GJA5: variants seen among roughly 807,000 people sequenced by gnomAD.
The protein encoded by GJA5 is gap junction protein alpha 5.
In GJA5, 3 loss-of-function variants were observed where a neutral mutation model predicts 7.9. The ratio of observed to expected loss-of-function variants is 0.38; its 90% CI spans 0.17 to 0.99. GJA5 has a LOEUF of 0.99. GJA5 is among the 50% of genes least tolerant of loss of function. GJA5 has a pLI of 0.38. For synonymous variants in GJA5, 193 were observed against 181.0 expected, an observed-to-expected ratio of 1.07 and a Z score of -0.53; for missense variants, 390 against 457.9, an observed-to-expected ratio of 0.85 and a Z score of 1.35.
intron 1 of GJA5, among the ~76,000 whole-genome samples, chr1:147,771,925 T>G (rs1664419235): frequency 1.3e-5 from 2 of 152,192 alleles, no homozygotes; most frequent in South Asian, 4.1e-4. Flanking sequence ...AGGACTGGGC[T>G]GGGCTTGGCT....
At chr1:147,766,758 C>A (rs1271787057) in intron 1 of GJA5, among the ~76,000 whole-genome samples, 5 of 152,104 alleles carry the variant, frequency 3.3e-5, no homozygotes, top group Admixed American at 3.3e-4. Context: ...TCTAACAGAT[C>A]TCTGGTTCTC....
In GJA5 at chr1:147,758,579, G is replaced by A. The variant is rs1223418676; in HGVS notation, c.660C>T (p.Leu220=). The A allele has an allele frequency of 1.2e-6, 2 of 1,613,954 alleles. No homozygotes were observed. The highest frequency in any genetic ancestry group is 1.7e-6 in the Non-Finnish European group (2 of 1,179,856). The change falls in exon 2 of 2, where the codon CTC becomes CTT. Residue 220 remains leucine, a synonymous_variant. Transcript: ENST00000579774. ...FMLAVAALSL[L]LSLAELYHLG... ...GGTGGTAGAGTTCAGCCAGGCTAAGGAGGAGGGACAGTGCAGCCACAGCCA... is the reference window on the plus strand; with the variant it reads ...GGTGGTAGAGTTCAGCCAGGCTAAGAAGGAGGGACAGTGCAGCCACAGCCA...
intron 1 of GJA5, among the ~76,000 whole-genome samples, chr1:147,759,970 A>T (rs1329135366): frequency 1.3e-4 from 20 of 152,202 alleles, no homozygotes; most frequent in Non-Finnish European, 1.0e-4. Flanking sequence ...GCACTCTGCA[A>T]AAATCAGAAC....
intron 1 of GJA5, among the ~76,000 whole-genome samples, chr1:147,772,685 G>A (rs1344125268): frequency 6.6e-6 from 1 of 151,552 alleles, no homozygotes; most frequent in Non-Finnish European, 1.5e-5. Context: ...GGCTGCAAGT[G>A]GCAGCCTGGA....
At chr1:147,772,334 T>C (rs1171865043) in intron 1 of GJA5, among the ~76,000 whole-genome samples, 1 of 152,200 alleles carries the variant, frequency 6.6e-6, no homozygotes, top group Non-Finnish European at 1.5e-5. Context: ...AATTCTTGTG[T>C]TGCGCCTCCC....
Position 147,757,927 on chromosome 1 carries a change from G to C in GJA5, c.*235C>G. 1 of 565,248 alleles carries C rather than the reference G, an allele frequency of 1.8e-6. No homozygotes were observed. Among genetic ancestry groups the C allele is most frequent in the Non-Finnish European group, 3.2e-6 (1 of 316,290 alleles). 35.0% of individuals were successfully genotyped at this position (565,248 alleles called of 1,614,324 possible). On this transcript the variant is annotated 3_prime_UTR_variant, in exon 2 of 2. Transcript: ENST00000579774. ...TTTCATGAGTAATCTGAAAGGCTTC[G>C]TATACTGGGTAGAGGGTGGGGAGGG...
At position 147,759,181 on chromosome 1, in the gene GJA5, CGGTCGAGTGCTTGT is replaced by C; in HGVS notation, c.44_57del (p.His15ArgfsTer23). On this transcript the variant is annotated frameshift_variant, in exon 2 of 2. Transcript: ENST00000579774. LOFTEE classifies it high-confidence loss of function. ...ACAGTGAGCCAGACCTTGCCTACCA[CGGTCGAGTGCTTGT>C]GTACTTCCTCCAGGAAATTTCCCAG... 6.2e-7 allele frequency: 1 copy of C among 1,614,070 alleles called. No homozygotes were observed. Among genetic ancestry groups the C allele is most frequent in the African/African-American group, 1.3e-5 (1 of 75,042 alleles).
intron 1 of GJA5, among the ~76,000 whole-genome samples, chr1:147,769,647 A>G (rs1553228740): frequency 6.6e-6 from 1 of 152,178 alleles, no homozygotes; most frequent in African/African-American, 2.4e-5. Context: ...TTAGTGACAC[A>G]GCAAGGACCC....
chr1:147,765,916 C>T (rs1664184859), intron 1 of GJA5, among the ~76,000 whole-genome samples: 1 of 152,164 alleles, frequency 6.6e-6, no homozygotes, highest in Non-Finnish European at 1.5e-5. Context: ...GCTGTGACTG[C>T]ACCCTCGTCT....
chr1:147,762,752 G>T (rs1664066436), upstream of GJA5, among the ~76,000 whole-genome samples: 1 of 152,216 alleles, frequency 6.6e-6, no homozygotes, highest in Admixed American at 6.5e-5. Flanking sequence ...GTCTCTGGCT[G>T]TAGTTACTTT....
At chr1:147,766,802 C>A (rs587714999) in intron 1 of GJA5, among the ~76,000 whole-genome samples, 1 of 152,214 alleles carries the variant, frequency 6.6e-6, no homozygotes, top group Non-Finnish European at 1.5e-5. Context: ...ATAATAACAA[C>A]CCCCTGGGCC....
chr1:147,768,012 C>A (rs1664271565), intron 1 of GJA5, among the ~76,000 whole-genome samples: 1 of 152,156 alleles, frequency 6.6e-6, no homozygotes, highest in Non-Finnish European at 1.5e-5. Flanking sequence ...ACTACTTCAG[C>A]CTCAGGAGAA....
At chr1:147,768,669 TA>T (rs1377097306) in intron 1 of GJA5, among the ~76,000 whole-genome samples, 1 of 152,234 alleles carries the variant, frequency 6.6e-6, no homozygotes, top group Admixed American at 6.5e-5. Flanking sequence ...GGAAGTAAAG[TA>T]AGAGTGATAA....
In GJA5 at chr1:147,758,666, G is replaced by C; in HGVS notation, c.573C>G (p.Pro191=). The part of the protein sequence containing the change: ...TLHVCRRSPC[P]HPVNCYVSRP... ...GGGATACGTAACAGTTGACCGGGTG[G>C]GGACAGGGACTCCTGCGGCAGACAT... Residue 191 remains proline (P), a synonymous_variant, in exon 2 of 2, where the codon CCC becomes CCG. Coordinates refer to ENST00000579774, the MANE Select transcript of GJA5 (RefSeq NM_181703.4). 1.2e-6 allele frequency: 2 copies of C among 1,614,168 alleles called. No homozygotes were observed. The highest frequency in any genetic ancestry group is 1.6e-4 in the Middle Eastern group (1 of 6,062).
upstream of GJA5, among the ~76,000 whole-genome samples, chr1:147,762,491 G>A (rs1553227565): frequency 6.6e-6 from 1 of 152,202 alleles, no homozygotes; most frequent in African/African-American, 2.4e-5. Context: ...CCACCTGGAA[G>A]AGGTAAAGCA....
Position 147,758,665 on chromosome 1 carries a change from G to A in GJA5, c.574C>T (p.His192Tyr). The change falls in exon 2 of 2, where the codon CAC (histidine) becomes TAC (tyrosine). Residue 192 changes from histidine to tyrosine, a missense_variant. By Grantham distance (83) the His-to-Tyr change is moderately conservative. This residue lies in a region of GJA5 where 354 missense variants were observed against 370.9 expected (regional missense o/e 0.95). Coordinates refer to ENST00000579774, the MANE Select transcript of GJA5 (RefSeq NM_181703.4). ...LHVCRRSPCPHPVNCYVSRPT... is the reference protein window; with the variant it reads ...LHVCRRSPCPYPVNCYVSRPT... Reference sequence around the variant, plus strand: ...CGGGATACGTAACAGTTGACCGGGTGGGGACAGGGACTCCTGCGGCAGACA... The same window carrying A: ...CGGGATACGTAACAGTTGACCGGGTAGGGACAGGGACTCCTGCGGCAGACA... 1 of 1,614,180 alleles carries A rather than the reference G, an allele frequency of 6.2e-7. No individual in the cohort carries two copies. The highest frequency in any genetic ancestry group is 8.5e-7 in the Non-Finnish European group (1 of 1,180,004).
chr1:147,765,939 A>T (rs1664185538), intron 1 of GJA5, among the ~76,000 whole-genome samples: 1 of 152,150 alleles, frequency 6.6e-6, no homozygotes, highest in South Asian at 2.1e-4. Flanking sequence ...CCTGCTTAAG[A>T]AGGTATATTG....
At chr1:147,770,097 C>T (rs782563049) in intron 1 of GJA5, among the ~76,000 whole-genome samples, 5 of 152,104 alleles carry the variant, frequency 3.3e-5, no homozygotes, top group Non-Finnish European at 5.9e-5. Flanking sequence ...TCCCTAGCCA[C>T]CTCTGTCCTC....
chr1:147,764,113 G>A (rs1160148775), upstream of GJA5, among the ~76,000 whole-genome samples: 1 of 151,942 alleles, frequency 6.6e-6, no homozygotes, highest in Non-Finnish European at 1.5e-5. Flanking sequence ...GCCCGGCCCA[G>A]TGCTCCTTCT....
Sources: allele counts gnomAD v4.1 joint callset (sites outside exome capture counted in the v4.1 genomes callset), GRCh38; gene constraint gnomAD v4.1.1; regional missense constraint gnomAD v4.1.1; transcripts MANE v1.5; gene names NCBI Gene and HGNC (gene_info 2026-07-23, HGNC 2026-07-21).